Variants in ENDOD1 observed in about 807,000 individuals in gnomAD.
The protein encoded by ENDOD1 is endonuclease domain containing 1.
In ENDOD1, 9 loss-of-function variants were observed where a neutral mutation model predicts 6.5. That is an observed-to-expected ratio of 1.39 (90% CI 0.84 to 2.43). The LOEUF is 2.43. Among genes scored for constraint, ENDOD1 ranks in the 30% most tolerant of loss-of-function variants. The pLI is 0.00. For missense variants in ENDOD1, 648 were observed against 635.5 expected (o/e 1.02, Z -0.21); for synonymous variants, 255 against 255.2 (o/e 1.00, Z 0.01).
chr11:95,119,586 C>T (rs541287225), intron 1 of ENDOD1, among the ~76,000 whole-genome samples: 39 of 152,332 alleles, frequency 2.6e-4, no homozygotes, highest in Admixed American at 6.5e-5. Context: ...CTGTGGCCAC[C>T]ACCGCTAGGA....
chr11:95,111,847 A>G (rs999578491), intron 1 of ENDOD1, among the ~76,000 whole-genome samples: 26 of 152,188 alleles, frequency 1.7e-4, no homozygotes, highest in African/African-American at 6.0e-4. Flanking sequence ...TGTCATGCAG[A>G]GACTCAAGTA....
rs1555109633 is a variant in ENDOD1, at chr11:95,089,996, C to T, written c.69C>T (p.Leu23=). 6.4e-7 allele frequency: 1 copy of T among 1,563,640 alleles called. No individual in the cohort carries two copies. ...FALAGLLEGR[L]VGEEEAGFGE... is the part of the protein sequence containing the mutation. Reference sequence around the variant, plus strand: ...TGGCTGGGCTGCTGGAAGGCCGGCTCGTGGGCGAGGAGGAAGCCGGCTTTG... The same window carrying T: ...TGGCTGGGCTGCTGGAAGGCCGGCTTGTGGGCGAGGAGGAAGCCGGCTTTG... Residue 23 remains leucine, a synonymous_variant, in exon 1 of 2, where the codon CTC becomes CTT. Transcript: ENST00000278505.
At chr11:95,091,950 A>C (rs747200975) in intron 1 of ENDOD1, among the ~76,000 whole-genome samples, 32 of 152,162 alleles carry the variant, frequency 2.1e-4, no homozygotes, top group Non-Finnish European at 4.3e-4. Context: ...ACCATATATA[A>C]AGTTCTCAGG....
At position 95,132,472 on chromosome 11, in the gene ENDOD1, G is replaced by C. The variant is rs746080150; in HGVS notation, c.*2893G>C. 2.0e-5 allele frequency: 3 copies of C among 152,202 alleles called. No homozygotes were observed. Among genetic ancestry groups the C allele is most frequent in the Non-Finnish European group, 4.4e-5 (3 of 68,044 alleles). 9.4% of individuals were successfully genotyped at this position (152,202 alleles called of 1,614,324 possible). A position where few individuals can be genotyped will look rare whatever the true frequency, so the allele number is the denominator to read the frequency against. On this transcript the variant is annotated 3_prime_UTR_variant, in exon 2 of 2. Coordinates refer to ENST00000278505, the MANE Select transcript of ENDOD1 (RefSeq NM_015036.3). ...ATCGTAACACATGAAGGACAAGTAA[G>C]TGCTGCAGTAAAGGTACTAATAACA... is the stretch of plus-strand genomic sequence containing the variant.
chr11:95,110,946 C>T (rs1407611754), intron 1 of ENDOD1, among the ~76,000 whole-genome samples: 2 of 152,150 alleles, frequency 1.3e-5, no homozygotes, highest in African/African-American at 2.4e-5. Context: ...TGAGCTATTT[C>T]AGAGAAACGG....
chr11:95,122,955 G>A (rs1348396687), intron 1 of ENDOD1, among the ~76,000 whole-genome samples: 5 of 152,196 alleles, frequency 3.3e-5, no homozygotes, highest in East Asian at 1.9e-4. Flanking sequence ...TTGGGAGGCC[G>A]AGGCGGGCAG....
intron 1 of ENDOD1, among the ~76,000 whole-genome samples, chr11:95,125,537 C>T (rs943834212): frequency 2.6e-5 from 4 of 151,986 alleles, no homozygotes; most frequent in African/African-American, 9.7e-5. Flanking sequence ...TGGTGTGCTG[C>T]ACCCATTAAC....
At chr11:95,103,341 T>C (rs181008214) in intron 1 of ENDOD1, among the ~76,000 whole-genome samples, 1 of 152,312 alleles carries the variant, frequency 6.6e-6, no homozygotes, top group East Asian at 1.9e-4. Flanking sequence ...TATTTATTTA[T>C]TCATTCCTGG....
intron 1 of ENDOD1, among the ~76,000 whole-genome samples, chr11:95,120,360 A>T (rs920458980): frequency 6.6e-6 from 1 of 152,044 alleles, no homozygotes; most frequent in African/African-American, 2.4e-5. Context: ...TAAGGGCCCA[A>T]AAGGTCTTCA....
chr11:95,106,290 C>T (rs1288274806), intron 1 of ENDOD1, among the ~76,000 whole-genome samples: 2 of 152,090 alleles, frequency 1.3e-5, no homozygotes, highest in Non-Finnish European at 2.9e-5. Context: ...ATTTAGGTAG[C>T]ATAGAGGAAT....
intron 1 of ENDOD1, among the ~76,000 whole-genome samples, chr11:95,114,137 T>C (rs781973189): frequency 6.6e-6 from 1 of 152,164 alleles, no homozygotes; most frequent in Non-Finnish European, 1.5e-5. Context: ...AATTAACTGA[T>C]TGATTGATTT....
At chr11:95,095,939 T>C (rs1392269767) in intron 1 of ENDOD1, among the ~76,000 whole-genome samples, 4 of 152,240 alleles carry the variant, frequency 2.6e-5, no homozygotes, top group African/African-American at 9.6e-5. Flanking sequence ...TGTTATTTTA[T>C]TTTTAATCCA....
Position 95,091,101 on chromosome 11 carries a change from C to T in ENDOD1, c.300+874C>T, listed in dbSNP as rs139466963. The stretch of plus-strand genomic sequence containing the variant: ...CACTTGAGAAGCCCTCAGAGTCTTC[C>T]GAACCTGCTGGCCTGCTCTTAATAC... On this transcript the variant is annotated intron_variant, in intron 1 of 1. Coordinates refer to ENST00000278505, the MANE Select transcript of ENDOD1 (RefSeq NM_015036.3). Among the ~76,000 whole-genome samples, 70 of 152,260 alleles carry T rather than the reference C, an allele frequency of 4.6e-4. 1 individual carries two copies. The highest frequency in any genetic ancestry group is 4.4e-4 in the Non-Finnish European group (30 of 68,014).
intron 1 of ENDOD1, among the ~76,000 whole-genome samples, chr11:95,127,469 G>A (rs550802439): frequency 2.5e-4 from 38 of 152,292 alleles, no homozygotes; most frequent in African/African-American, 8.7e-4. Flanking sequence ...TTGAATTTTA[G>A]TTTTGCCTGA....
At chr11:95,092,295 G>C (rs557061631) in intron 1 of ENDOD1, among the ~76,000 whole-genome samples, 1 of 152,278 alleles carries the variant, frequency 6.6e-6, no homozygotes, top group East Asian at 1.9e-4. Context: ...AGGAATCATG[G>C]AAGGGAGGGA....
At chr11:95,115,749 TAAG>T in intron 1 of ENDOD1, among the ~76,000 whole-genome samples, 1 of 152,180 alleles carries the variant, frequency 6.6e-6, no homozygotes, top group African/African-American at 2.4e-5. Flanking sequence ...GAGATGATAA[TAAG>T]GTATTTGTCC....
At chr11:95,113,762 C>A (rs1555112193) in intron 1 of ENDOD1, among the ~76,000 whole-genome samples, 2 of 152,174 alleles carry the variant, frequency 1.3e-5, no homozygotes, top group Non-Finnish European at 2.9e-5. Context: ...GGGGTATATA[C>A]TCAGAAGTGG....
rs189094822 is a variant in ENDOD1 at position 95,091,288 on chromosome 11, C to T, written c.300+1061C>T. 9.8e-4 allele frequency among the ~76,000 whole-genome samples: 150 copies of T among 152,358 alleles called. 1 individual carries two copies. The highest frequency in any genetic ancestry group is 3.4e-3 in the African/African-American group (142 of 41,578). On this transcript the variant is annotated intron_variant, in intron 1 of 1. Coordinates refer to ENST00000278505, the MANE Select transcript of ENDOD1 (RefSeq NM_015036.3). Reference sequence around the variant, plus strand: ...CAGGACCACACCAGTGGACAGGAGGCTGGCTTTCAGGTGCTTTATTCAGAG... The same window carrying T: ...CAGGACCACACCAGTGGACAGGAGGTTGGCTTTCAGGTGCTTTATTCAGAG...
rs145334500 is a variant in ENDOD1, at chr11:95,100,500, A to G, written c.300+10273A>G. Among the ~76,000 whole-genome samples, 826 of 151,710 alleles carry G rather than the reference A, an allele frequency of 5.4e-3. 8 individuals carry two copies. The highest frequency in any genetic ancestry group is 0.018 in the African/African-American group (762 of 41,344). On this transcript the variant is annotated intron_variant, in intron 1 of 1. Coordinates refer to ENST00000278505, the MANE Select transcript of ENDOD1 (RefSeq NM_015036.3). ...CTTCTTTCTGGTTTTTATTATTATTATTTTTTGAGACAGGGTCTTGCTCTA... is the reference window on the plus strand; with the variant it reads ...CTTCTTTCTGGTTTTTATTATTATTGTTTTTTGAGACAGGGTCTTGCTCTA...
Sources: gnomAD v4.1 joint callset for allele counts (sites outside exome capture counted in the v4.1 genomes callset) on GRCh38, gnomAD v4.1.1 for gene constraint, MANE v1.5 for transcripts, NCBI Gene and HGNC (gene_info 2026-07-23, HGNC 2026-07-21) for gene names.